TYW1: variants seen among roughly 807,000 people sequenced by gnomAD.
TYW1 encodes tRNA-yW synthesizing protein 1 homolog.
Under a neutral mutation model 96.2 loss-of-function variants are expected in TYW1, and 46 were observed. The ratio of observed to expected loss-of-function variants is 0.48; its 90% CI spans 0.38 to 0.61. The LOEUF (loss-of-function observed/expected upper bound fraction) is 0.61, where lower values mean the gene tolerates loss of function less well. Among genes scored for constraint, TYW1 ranks in the 20% least tolerant of loss-of-function variants. TYW1 has a pLI of 0.00. For missense variants in TYW1, 684 were observed against 909.6 expected, an observed-to-expected ratio of 0.75 and a Z score of 3.19; for synonymous variants, 274 against 323.0, an observed-to-expected ratio of 0.85 and a Z score of 1.63.
At chr7:67,060,301 C>A (rs545790234) in intron 9 of TYW1, among the ~76,000 whole-genome samples, 64 of 152,296 alleles carry the variant, frequency 4.2e-4, no homozygotes, top group African/African-American at 1.2e-3. Flanking sequence ...GTCTTGAACT[C>A]CTGACCTCAA....
At chr7:67,137,937 T>A (rs1798318434) in intron 13 of TYW1, among the ~76,000 whole-genome samples, 3 of 152,188 alleles carry the variant, frequency 2.0e-5, no homozygotes, top group Admixed American at 2.0e-4. Flanking sequence ...CATGCACCTC[T>A]TCCTCTTGAT....
rs556228499 is a variant in TYW1, at chr7:67,049,150, C to A, written c.985-799C>A. 9.2e-5 allele frequency among the ~76,000 whole-genome samples: 14 copies of A among 152,278 alleles called. 1 individual carries two copies. In the South Asian group the frequency reaches 1.9e-3, roughly 20 times the overall value. On this transcript the variant is annotated intron_variant, in intron 7 of 15. Coordinates refer to ENST00000359626, the MANE Select transcript of TYW1 (RefSeq NM_018264.4). Reference sequence around the variant, plus strand: ...GTTTTTGGGGTTTAGAGATGTAATACCAGCAGCAGCTCTAATTTATTGAAC... The same window carrying A: ...GTTTTTGGGGTTTAGAGATGTAATAACAGCAGCAGCTCTAATTTATTGAAC...
intron 13 of TYW1, among the ~76,000 whole-genome samples, chr7:67,137,795 C>T (rs1292713267): frequency 1.3e-5 from 2 of 152,110 alleles, no homozygotes; most frequent in Non-Finnish European, 1.5e-5. Flanking sequence ...CGCCCTGCAT[C>T]AGACATCCTG....
At chr7:67,190,626 C>T (rs2116329068) in intron 14 of TYW1, among the ~76,000 whole-genome samples, 1 of 152,314 alleles carries the variant, frequency 6.6e-6, no homozygotes, top group South Asian at 2.1e-4. Flanking sequence ...TGGCCAAAGA[C>T]AGGGGCTTGA....
rs1046460184 is a variant in TYW1, at chr7:67,145,441, G to A, written c.1698+27823G>A. Among the ~76,000 whole-genome samples, 8 of 152,106 alleles carry A rather than the reference G, an allele frequency of 5.3e-5. 1 individual carries two copies. Among genetic ancestry groups the A allele is most frequent in the African/African-American group, 1.9e-4 (8 of 41,420 alleles). ...TGGGATTACAGGCGTGAGCCACCGC[G>A]CCTGACTGGTTTCATTTTTAAAAAC... On this transcript the variant is annotated intron_variant, in intron 13 of 15. Transcript: ENST00000359626.
intron 8 of TYW1, among the ~76,000 whole-genome samples, chr7:67,051,116 C>T (rs1429389053): frequency 2.0e-5 from 3 of 152,036 alleles, no homozygotes; most frequent in Non-Finnish European, 2.9e-5. Context: ...TGTGATCTGC[C>T]GCCTCAGCCT....
At chr7:67,221,598 A>G (rs1043791048) in intron 15 of TYW1, among the ~76,000 whole-genome samples, 1 of 152,120 alleles carries the variant, frequency 6.6e-6, no homozygotes, top group African/African-American at 2.4e-5. Flanking sequence ...TGTTGAGTTG[A>G]TTCTTTGCAG....
intron 13 of TYW1, among the ~76,000 whole-genome samples, chr7:67,125,314 G>GTTA (rs945451293): frequency 1.3e-5 from 2 of 151,426 alleles, no homozygotes; most frequent in African/African-American, 4.9e-5. Context: ...CAGAAGTGTT[G>GTTA]TTATTATTAT....
At chr7:67,065,898 C>G (rs1198441906) in intron 9 of TYW1, among the ~76,000 whole-genome samples, 3 of 151,836 alleles carry the variant, frequency 2.0e-5, no homozygotes, top group African/African-American at 7.3e-5. Flanking sequence ...ATAATCCCAG[C>G]TACTTGGGAG....
chr7:67,126,546 G>A (rs1012329790), intron 13 of TYW1, among the ~76,000 whole-genome samples: 3 of 140,908 alleles, frequency 2.1e-5, no homozygotes, highest in African/African-American at 8.6e-5. Flanking sequence ...CCAAATCCAC[G>A]GTCATCTAGA....
chr7:67,221,149 G>T (rs1387463356), intron 15 of TYW1, among the ~76,000 whole-genome samples: 2 of 152,116 alleles, frequency 1.3e-5, no homozygotes, highest in Admixed American at 1.3e-4. Flanking sequence ...ATCAATATCT[G>T]CTTTGTATAT....
At chr7:67,029,133 G>C (rs1794557341) in intron 7 of TYW1, among the ~76,000 whole-genome samples, 1 of 151,724 alleles carries the variant, frequency 6.6e-6, no homozygotes, top group Admixed American at 6.6e-5. Flanking sequence ...CGAGTAGCTG[G>C]GACTACAGGC....
At chr7:67,090,248 A>C (rs1011351633) in intron 11 of TYW1, among the ~76,000 whole-genome samples, 2 of 152,192 alleles carry the variant, frequency 1.3e-5, no homozygotes, top group Admixed American at 1.3e-4. Context: ...TGGAGTATCT[A>C]TATCAAACAG....
intron 3 of TYW1, among the ~76,000 whole-genome samples, chr7:67,004,043 CAA>C (rs751888960): frequency 2.0e-5 from 3 of 149,430 alleles, no homozygotes. Context: ...AACCTTGTCT[CAA>C]AAAAAACAAA....
At chr7:67,025,118 G>A in intron 7 of TYW1, 96 bp downstream of exon 7, 1 of 1,525,058 alleles carries the variant, frequency 6.6e-7, no homozygotes, top group Non-Finnish European at 8.8e-7. Flanking sequence ...GCTCACAGAG[G>A]AGTTTCATTT....
chr7:67,006,542 C>T (rs1364182937), intron 3 of TYW1, among the ~76,000 whole-genome samples: 8 of 147,158 alleles, frequency 5.4e-5, no homozygotes, highest in African/African-American at 5.0e-5. Flanking sequence ...CAGGCTCAAG[C>T]GATCCTTCCA....
At chr7:67,148,679 C>A (rs1478452233) in intron 13 of TYW1, among the ~76,000 whole-genome samples, 1 of 152,066 alleles carries the variant, frequency 6.6e-6, no homozygotes, top group African/African-American at 2.4e-5. Flanking sequence ...TATCCGCCCA[C>A]CTTGGCCTCC....
intron 15 of TYW1, among the ~76,000 whole-genome samples, chr7:67,221,392 C>T (rs766053975): frequency 1.2e-4 from 19 of 152,166 alleles, no homozygotes; most frequent in Admixed American, 2.0e-4. Flanking sequence ...GGGTTCAAAG[C>T]GAATCTATTG....
At position 67,141,867 on chromosome 7, in the gene TYW1, C is replaced by T. The variant is rs1392026960; in HGVS notation, c.1698+24249C>T. Among the ~76,000 whole-genome samples the T allele has an allele frequency of 5.3e-5, 8 of 152,134 alleles. No homozygotes were observed. In the South Asian group the frequency reaches 1.2e-3, roughly 24 times the overall value. On this transcript the variant is annotated intron_variant, in intron 13 of 15. Transcript: ENST00000359626. ...CCTGACCAACATGGGGAGACGCCCT[C>T]TCTACTAAAAATACAAAATTAGCTG...
Sources: allele counts gnomAD v4.1 joint callset (sites outside exome capture counted in the v4.1 genomes callset), GRCh38; gene constraint gnomAD v4.1.1; transcripts MANE v1.5; gene names NCBI Gene and HGNC (gene_info 2026-07-23, HGNC 2026-07-21).